CHL1: variants seen among roughly 807,000 people sequenced by gnomAD.
The protein encoded by CHL1 is neural cell adhesion molecule L1-like protein.
CHL1 carries 96 observed loss-of-function variants against 141.9 expected under a neutral mutation model. That is an observed-to-expected ratio of 0.68 (90% confidence interval 0.57 to 0.80). CHL1 has a LOEUF of 0.80. Ranked by LOEUF, CHL1 falls within the 30% of genes least tolerant of loss-of-function variation. The probability of loss-of-function intolerance (pLI) is 0.00; values close to 1 mark genes in which losing one functional copy is unlikely to be tolerated. For synonymous variants in CHL1, 613 were observed against 502.2 expected, an observed-to-expected ratio of 1.22 and a Z score of -2.95; for missense variants, 1,820 against 1,457.2, an observed-to-expected ratio of 1.25 and a Z score of -4.05.
intron 2 of CHL1, among the ~76,000 whole-genome samples, chr3:294,880 T>C (rs200323012): frequency 6.6e-6 from 1 of 152,240 alleles, no homozygotes; most frequent in African/African-American, 2.4e-5. Flanking sequence ...AATTTATTCC[T>C]TTTATTCATT....
At chr3:349,214 C>A (rs889550196) in intron 9 of CHL1, 145 bp from the exon 10 acceptor site, 2 of 661,308 alleles carry the variant, frequency 3.0e-6, no homozygotes, top group African/African-American at 3.6e-5. Flanking sequence ...GTGGGTGTGT[C>A]TGTCCACTGG....
chr3:370,470 A>C (rs781640252), intron 15 of CHL1, among the ~76,000 whole-genome samples: 1 of 148,418 alleles, frequency 6.7e-6, no homozygotes, highest in East Asian at 2.0e-4. Context: ...TATTGTGTCT[A>C]TTTGATACTT....
At chr3:302,883 G>A (rs1423981328) in intron 2 of CHL1, among the ~76,000 whole-genome samples, 5 of 152,184 alleles carry the variant, frequency 3.3e-5, no homozygotes, top group East Asian at 1.9e-4. Flanking sequence ...TAGGTCTTAC[G>A]TTTAAGTCTT....
At position 408,981 on chromosome 3, in the gene CHL1, A is replaced by G. The variant is rs867767816; in HGVS notation, c.*3270A>G. The G allele has an allele frequency of 3.3e-5, 5 of 152,196 alleles. No individual in the cohort carries two copies. The highest frequency in any genetic ancestry group is 2.1e-4 in the South Asian group (1 of 4,818). 9.4% of individuals were successfully genotyped at this position (152,196 alleles called of 1,614,324 possible). On this transcript the variant is annotated 3_prime_UTR_variant, in exon 28 of 28. Transcript: ENST00000256509. ...AAGCTAAAGAGGGGACAATAATGAG[A>G]AATGTTGGTGTGCTTTTCTAAGCAT...
chr3:216,003 G>A (rs1369271269), intron 1 of CHL1, among the ~76,000 whole-genome samples: 1 of 152,072 alleles, frequency 6.6e-6, no homozygotes, highest in Non-Finnish European at 1.5e-5. Context: ...TTGGAAATTG[G>A]CATAATGAAT....
intron 1 of CHL1, among the ~76,000 whole-genome samples, chr3:244,360 G>A (rs970252342): frequency 6.6e-6 from 1 of 152,150 alleles, no homozygotes; most frequent in Non-Finnish European, 1.5e-5. Flanking sequence ...TTTTCAATGA[G>A]AAGTGTAATT....
chr3:308,742 C>T (rs1699470253), intron 2 of CHL1: 2 of 152,874 alleles, frequency 1.3e-5, no homozygotes, highest in Admixed American at 6.6e-5. Context: ...CTTGATCTGG[C>T]TCAGATGGAG....
At chr3:348,729 A>C (rs1702976513) in intron 9 of CHL1, among the ~76,000 whole-genome samples, 1 of 152,180 alleles carries the variant, frequency 6.6e-6, no homozygotes, top group Admixed American at 6.5e-5. Flanking sequence ...GATTTGGTTC[A>C]TTCCTCCTTT....
intron 23 of CHL1, among the ~76,000 whole-genome samples, chr3:394,196 TCTATGTATA>T (rs1373718163): frequency 2.0e-5 from 3 of 152,210 alleles, no homozygotes; most frequent in African/African-American, 7.2e-5. Context: ...ATTTATTGAT[TCTATGTATA>T]CTGAGTAGCT....
At chr3:200,917 T>C (rs760443293) in intron 1 of CHL1, among the ~76,000 whole-genome samples, 9 of 152,244 alleles carry the variant, frequency 5.9e-5, no homozygotes, top group Non-Finnish European at 1.2e-4. Context: ...ACATTACTAA[T>C]TACTGCAGTT....
At chr3:231,325 A>G (rs1395914414) in intron 1 of CHL1, among the ~76,000 whole-genome samples, 3 of 151,958 alleles carry the variant, frequency 2.0e-5, no homozygotes, top group Non-Finnish European at 4.4e-5. Context: ...TTTTTACGTT[A>G]ACACCACCAC....
At chr3:398,092 C>T (rs1371992866) in intron 24 of CHL1, 135 bp from the exon 25 acceptor site, 3 of 478,328 alleles carry the variant, frequency 6.3e-6, no homozygotes, top group African/African-American at 4.0e-5. Flanking sequence ...TTTTCTTGAT[C>T]TCCTGGTAAT....
intron 7 of CHL1, among the ~76,000 whole-genome samples, chr3:342,724 G>T (rs1047375493): frequency 1.3e-5 from 2 of 152,056 alleles, no homozygotes; most frequent in Admixed American, 6.6e-5. Flanking sequence ...CCATGCCAGG[G>T]CTTCACTATA....
chr3:258,327 C>T (rs529407545), intron 2 of CHL1, among the ~76,000 whole-genome samples: 3 of 152,334 alleles, frequency 2.0e-5, no homozygotes, highest in Non-Finnish European at 2.9e-5. Context: ...ATGTCCTTCA[C>T]TTCAACCACT....
At chr3:345,330 A>ATT (rs1008151871) in intron 9 of CHL1, among the ~76,000 whole-genome samples, 9 of 151,382 alleles carry the variant, frequency 5.9e-5, no homozygotes, top group African/African-American at 2.2e-4. Flanking sequence ...ATTTATATCT[A>ATT]TTTTTACTCT....
At position 399,129 on chromosome 3, in the gene CHL1, T is replaced by C. The variant is rs747058178; in HGVS notation, c.3366T>C (p.Asn1122=). The C allele has an allele frequency of 6.2e-7, 1 of 1,610,808 alleles. No individual in the cohort carries two copies. The highest frequency in any genetic ancestry group is 8.5e-7 in the Non-Finnish European group (1 of 1,177,010). ...TAACTGTTTGCTTTGTGAAGAGGAATAGAGGTGGAAAGTACTCAGGTAAAA... is the reference window on the plus strand; with the variant it reads ...TAACTGTTTGCTTTGTGAAGAGGAACAGAGGTGGAAAGTACTCAGGTAAAA... ...LLLTVCFVKR[N]RGGKYSVKEK... Residue 1122 remains asparagine, a synonymous_variant, in exon 26 of 28, where the codon AAT becomes AAC. Transcript: ENST00000256509.
chr3:301,197 G>C (rs1354767342), intron 2 of CHL1, among the ~76,000 whole-genome samples: 1 of 152,144 alleles, frequency 6.6e-6, no homozygotes, highest in East Asian at 1.9e-4. Context: ...TCTACATTAG[G>C]AGGGAGCTGA....
intron 14 of CHL1, 92 bp from the exon 15 acceptor site, chr3:365,858 T>C: frequency 2.3e-6 from 2 of 883,364 alleles, no homozygotes; most frequent in Non-Finnish European, 1.7e-6. Flanking sequence ...TGGACAGTTA[T>C]GGTGACAATT....
chr3:394,969 T>C, intron 24 of CHL1, 97 bp downstream of exon 24: 1 of 1,018,190 alleles, frequency 9.8e-7, no homozygotes, highest in South Asian at 2.0e-5. Flanking sequence ...TGCCAGTCAT[T>C]GTAAATTAGA....
Sources: allele counts gnomAD v4.1 joint callset (sites outside exome capture counted in the v4.1 genomes callset), GRCh38; gene constraint gnomAD v4.1.1; transcripts MANE v1.5; gene names NCBI Gene and HGNC (gene_info 2026-07-23, HGNC 2026-07-21).